The following SGCZ variants were observed in gnomAD, a reference collection of about 807,000 sequenced individuals.
The protein encoded by SGCZ is sarcoglycan zeta.
A neutral mutation model predicts 41.3 loss-of-function variants in SGCZ; 40 were observed. That is an observed-to-expected ratio of 0.97 (90% CI 0.75 to 1.26). The LOEUF (loss-of-function observed/expected upper bound fraction) is 1.26, where lower values mean the gene tolerates loss of function less well. Ranked by LOEUF, SGCZ falls within the 50% of genes most tolerant of loss-of-function variation. SGCZ has a pLI of 0.00. For synonymous variants in SGCZ, 206 were observed against 137.5 expected (o/e 1.50, Z -3.49); for missense variants, 552 against 369.8 (o/e 1.49, Z -4.04).
At chr8:14,550,622 CAACTTAATAAATACCAT>C (rs764473242) in intron 2 of SGCZ, among the ~76,000 whole-genome samples, 25 of 151,748 alleles carry the variant, frequency 1.6e-4, no homozygotes, top group Non-Finnish European at 2.6e-4. Flanking sequence ...CTGTTTTTTC[CAACTTAATAAATACCAT>C]TGCGTAGATC....
intron 1 of SGCZ, among the ~76,000 whole-genome samples, chr8:14,768,596 T>C (rs1036399629): frequency 4.6e-5 from 7 of 152,202 alleles, no homozygotes; most frequent in Non-Finnish European, 7.3e-5. Flanking sequence ...CATGGCCTCA[T>C]GGGCCTGCAT....
chr8:14,936,116 G>C (rs1451384221), intron 1 of SGCZ, among the ~76,000 whole-genome samples: 1 of 151,888 alleles, frequency 6.6e-6, no homozygotes, highest in East Asian at 1.9e-4. Context: ...CCCCATCACA[G>C]ATCAAGATTT....
intron 2 of SGCZ, among the ~76,000 whole-genome samples, chr8:14,493,021 C>T (rs1407387830): frequency 6.6e-6 from 1 of 152,126 alleles, no homozygotes; most frequent in Non-Finnish European, 1.5e-5. Context: ...ATGGTGACCA[C>T]CTCTAAAGTG....
intron 1 of SGCZ, among the ~76,000 whole-genome samples, chr8:15,145,872 A>G (rs1431254726): frequency 6.6e-6 from 1 of 152,202 alleles, no homozygotes; most frequent in African/African-American, 2.4e-5. Flanking sequence ...GGTTAAACAC[A>G]TATATTTATC....
intron 2 of SGCZ, among the ~76,000 whole-genome samples, chr8:14,532,208 G>T (rs529576752): frequency 6.6e-6 from 1 of 151,870 alleles, no homozygotes; most frequent in African/African-American, 2.4e-5. Context: ...GATGTATCCA[G>T]ATGATAGAGA....
At chr8:14,275,390 A>T (rs998013261) in intron 3 of SGCZ, among the ~76,000 whole-genome samples, 1 of 152,116 alleles carries the variant, frequency 6.6e-6, no homozygotes, top group Non-Finnish European at 1.5e-5. Flanking sequence ...TAATTCACGT[A>T]TTTAATCTAC....
intron 2 of SGCZ, among the ~76,000 whole-genome samples, chr8:14,381,141 A>G (rs1804346446): frequency 6.6e-6 from 1 of 152,210 alleles, no homozygotes. Context: ...ACCAGCCTAA[A>G]GATACAAAGG....
chr8:14,908,754 A>AG (rs1410520283), intron 1 of SGCZ, among the ~76,000 whole-genome samples: 1 of 151,594 alleles, frequency 6.6e-6, no homozygotes, highest in East Asian at 1.9e-4. Context: ...AAAAAAAAAA[A>AG]AAAAAAAAAG....
rs117781806 is a variant in SGCZ, at chr8:14,456,720, T to C, written c.234+98012A>G. On this transcript the variant is annotated intron_variant, in intron 2 of 7. Transcript: ENST00000382080. ...ATATACATGGGATATAGTTTGAATA[T>C]ATGTCCTCACCCAAATCTCATGTTG... Among the ~76,000 whole-genome samples the C allele has an allele frequency of 8.7e-3, 1,327 of 152,302 alleles. 8 individuals carry two copies. The highest frequency in any genetic ancestry group is 0.015 in the Non-Finnish European group (998 of 68,026).
chr8:14,440,108 A>G (rs1244097204), intron 2 of SGCZ, among the ~76,000 whole-genome samples: 4 of 152,186 alleles, frequency 2.6e-5, no homozygotes, highest in East Asian at 1.9e-4. Flanking sequence ...CAGTGAATGT[A>G]TATTACTTTA....
rs563843747 is a variant in SGCZ at position 14,697,971 on chromosome 8, T to C, written c.40-143045A>G. Among the ~76,000 whole-genome samples the C allele has an allele frequency of 3.3e-5, 5 of 152,118 alleles. No individual in the cohort carries two copies. In the South Asian group the frequency reaches 1.0e-3, roughly 32 times the overall value. ...CAAACATATGTTTCAACCACTTCGG[T>C]ATTTGTTGAACGTTTAGTCTGCTTC... On this transcript the variant is annotated intron_variant, in intron 1 of 7. Coordinates refer to ENST00000382080, the MANE Select transcript of SGCZ (RefSeq NM_139167.4).
intron 3 of SGCZ, among the ~76,000 whole-genome samples, chr8:14,257,528 A>C (rs1217228074): frequency 6.6e-6 from 1 of 151,952 alleles, no homozygotes; most frequent in Non-Finnish European, 1.5e-5. Context: ...ACATGTGCAC[A>C]ACACGCAGGT....
intron 1 of SGCZ, among the ~76,000 whole-genome samples, chr8:14,761,474 G>T (rs955634608): frequency 1.3e-5 from 2 of 150,814 alleles, no homozygotes; most frequent in Non-Finnish European, 3.0e-5. Context: ...TCTACCTGTA[G>T]ACTCTCAAGA....
intron 1 of SGCZ, among the ~76,000 whole-genome samples, chr8:15,187,710 T>G (rs1359671161): frequency 6.6e-6 from 1 of 152,056 alleles, no homozygotes; most frequent in Non-Finnish European, 1.5e-5. Flanking sequence ...ATTATTTCTA[T>G]TTCTAAATAT....
intron 2 of SGCZ, among the ~76,000 whole-genome samples, chr8:14,479,369 C>A (rs144348016): frequency 6.6e-6 from 1 of 152,132 alleles, no homozygotes; most frequent in African/African-American, 2.4e-5. Flanking sequence ...CTCTTTGCTC[C>A]GCCTGCTTTT....
At chr8:14,274,375 A>G (rs1320167177) in intron 3 of SGCZ, among the ~76,000 whole-genome samples, 2 of 152,174 alleles carry the variant, frequency 1.3e-5, no homozygotes, top group Admixed American at 6.5e-5. Context: ...CAGTTGGTCC[A>G]TAAATATTTC....
At chr8:14,535,896 G>T (rs1305655714) in intron 2 of SGCZ, among the ~76,000 whole-genome samples, 7 of 151,746 alleles carry the variant, frequency 4.6e-5, no homozygotes, top group Non-Finnish European at 1.0e-4. Context: ...AACATTCAGG[G>T]AATCTGTGTG....
At chr8:14,947,776 A>G (rs570807904) in intron 1 of SGCZ, among the ~76,000 whole-genome samples, 32 of 152,324 alleles carry the variant, frequency 2.1e-4, no homozygotes, top group Middle Eastern at 3.4e-3. Flanking sequence ...ACATCAGGGC[A>G]TCTCGTTCAG....
At chr8:15,024,593 C>CAGTG (rs1803376912) in intron 1 of SGCZ, among the ~76,000 whole-genome samples, 1 of 152,070 alleles carries the variant, frequency 6.6e-6, no homozygotes, top group Non-Finnish European at 1.5e-5. Context: ...AAAAGTAGAG[C>CAGTG]AGTGTAACCA....
Sources: allele counts gnomAD v4.1 joint callset (sites outside exome capture counted in the v4.1 genomes callset), GRCh38; gene constraint gnomAD v4.1.1; transcripts MANE v1.5; gene names NCBI Gene and HGNC (gene_info 2026-07-23, HGNC 2026-07-21).